ATAD3C: variants seen among roughly 807,000 people sequenced by gnomAD.
The protein encoded by ATAD3C is ATPase family AAA domain containing 3C, also known as ATPase family AAA domain-containing protein 3C.
A neutral mutation model predicts 46.3 loss-of-function variants in ATAD3C; 38 were observed. The observed-to-expected ratio is 0.82, with a 90% CI of 0.63 to 1.08. ATAD3C has a LOEUF of 1.08. ATAD3C is among the 50% of genes least tolerant of loss of function. ATAD3C has a pLI of 0.00. For synonymous variants in ATAD3C, 220 were observed against 236.4 expected (o/e 0.93, Z 0.63); for missense variants, 563 against 572.7 (o/e 0.98, Z 0.17).
intron 11 of ATAD3C, among the ~76,000 whole-genome samples, chr1:1,466,556 A>AAAC (rs1639146082): frequency 6.6e-6 from 1 of 151,174 alleles, no homozygotes; most frequent in Admixed American, 6.6e-5. Context: ...AAAAAAAAAA[A>AAAC]ATTGTATTTG....
chr1:1,468,421 A>C lies in ATAD3C; in HGVS notation c.1127A>C (p.Glu376Ala), dbSNP rs184894512. Residue 376 changes from glutamate (E) to alanine (A), a missense_variant, in exon 12 of 12, where the codon GAG (glutamate) becomes GCG (alanine). This residue lies in a region of ATAD3C where 273 missense variants were observed against 253.5 expected (regional missense o/e 1.08). Coordinates refer to ENST00000378785, the MANE Select transcript of ATAD3C (RefSeq NM_001039211.3). ...AYASKDGVLTEAMMDACVQDF... is the reference protein window; with the variant it reads ...AYASKDGVLTAAMMDACVQDF... ...GCCTCCAAGGACGGGGTCCTGACCG[A>C]GGCCATGATGGACGCCTGCGTGCAA... 1.4e-5 allele frequency: 23 copies of C among 1,613,004 alleles called. 1 individual carries two copies. The African/African-American group carries it at 1.9e-4, about 13-fold the overall frequency.
chr1:1,451,938 C>T (rs961133150), intron 1 of ATAD3C, 108 bp from the exon 2 acceptor site: 55 of 1,499,350 alleles, frequency 3.7e-5, no homozygotes, highest in African/African-American at 2.0e-4. Context: ...CCCAGGTGCC[C>T]GGGACGCTTG....
At chr1:1,466,033 G>A (rs563033304) in intron 11 of ATAD3C, among the ~76,000 whole-genome samples, 3 of 151,764 alleles carry the variant, frequency 2.0e-5, no homozygotes, top group South Asian at 2.1e-4. Flanking sequence ...ACCTGAGGTC[G>A]GCAGTTCGAG....
chr1:1,460,056 C>G lies in ATAD3C; in HGVS notation c.813-694C>G, dbSNP rs1570153281. ...CGGGCCCCCGAGGTCCTGCTCCTGG[C>G]TCGCGTGGCAGTATTTTTTTTTTTT... On this transcript the variant is annotated intron_variant, in intron 9 of 11. Transcript: ENST00000378785. Among the ~76,000 whole-genome samples, 12 of 150,814 alleles carry G rather than the reference C, an allele frequency of 8.0e-5. No homozygotes were observed. In the South Asian group the frequency reaches 2.5e-3, roughly 32 times the overall value.
In ATAD3C at chr1:1,462,856, C is replaced by G; in HGVS notation, c.1089+148C>G. 2.1e-6 allele frequency: 2 copies of G among 943,968 alleles called. No individual in the cohort carries two copies. Among genetic ancestry groups the G allele is most frequent in the South Asian group, 1.6e-5 (1 of 61,652 alleles). 58.5% of individuals were successfully genotyped at this position (943,968 alleles called of 1,614,324 possible). A position where few individuals can be genotyped will look rare whatever the true frequency, so the allele number is the denominator to read the frequency against. ...CACAGATGTGACACGGGGCCCCTGC[C>G]CCAGTTGGGCCACTCCACGCAGCAG... On this transcript the variant is annotated intron_variant, in intron 11 of 11. Coordinates refer to ENST00000378785, the MANE Select transcript of ATAD3C (RefSeq NM_001039211.3). This position sits in a 1 kb window ranked among gnomAD's most constrained non-coding sequence, Gnocchi z 4.5.
chr1:1,460,719 C>G, intron 9 of ATAD3C, 31 bp from the exon 10 acceptor site: 3 of 1,575,698 alleles, frequency 1.9e-6, no homozygotes, highest in Non-Finnish European at 2.6e-6. Flanking sequence ...CCGGCAGCCC[C>G]AGCGTTTCCT....
chr1:1,460,118 G>A (rs1639031614), intron 9 of ATAD3C, among the ~76,000 whole-genome samples: 1 of 150,364 alleles, frequency 6.7e-6, no homozygotes, highest in Admixed American at 6.6e-5. Flanking sequence ...TTCTGCCCAG[G>A]CTGAGGTGCA....
At chr1:1,454,263 G>A in intron 3 of ATAD3C, 82 bp from the exon 4 acceptor site, 1 of 1,502,240 alleles carries the variant, frequency 6.7e-7, no homozygotes, top group Non-Finnish European at 8.9e-7. Context: ...CGGAGAGAGG[G>A]TGGGGGCAGC....
In ATAD3C at chr1:1,452,399, G is replaced by A. The variant is rs1570142559; in HGVS notation, c.187G>A (p.Ala63Thr). ...CACCTTGTTTGGGGAAGGATTCCGT[G>A]CCTTTGTGACAGACCGGGACAAAGT... is the stretch of plus-strand genomic sequence containing the variant. The part of the protein sequence containing the change: ...AGTLFGEGFR[A>T]FVTDRDKVTA... The change falls in exon 3 of 12, where the codon GCC (alanine) becomes ACC (threonine). Residue 63 changes from alanine to threonine, a missense_variant. Ala to Thr is a moderately conservative substitution (Grantham distance 58, BLOSUM62 0). Transcript: ENST00000378785. 2 of 1,613,798 alleles carry A rather than the reference G, an allele frequency of 1.2e-6. No individual in the cohort carries two copies. The highest frequency in any genetic ancestry group is 4.5e-5 in the East Asian group (2 of 44,892).
At chr1:1,452,025 T>C in intron 1 of ATAD3C, 21 bp from the exon 2 acceptor site, 1 of 1,613,084 alleles carries the variant, frequency 6.2e-7, no homozygotes, top group Non-Finnish European at 8.5e-7. Context: ...GCTTTTCTCT[T>C]TTTCTGCGGC....
chr1:1,453,679 G>A (rs1360188226), intron 3 of ATAD3C, among the ~76,000 whole-genome samples: 1 of 139,042 alleles, frequency 7.2e-6, no homozygotes, highest in East Asian at 2.2e-4. Context: ...CCCTGTTGTT[G>A]CCCAGGCTTG....
chr1:1,460,770 G>A lies in ATAD3C; in HGVS notation c.833G>A (p.Ser278Asn). 1 of 1,609,464 alleles carries A rather than the reference G, an allele frequency of 6.2e-7. No individual in the cohort carries two copies. The highest frequency in any genetic ancestry group is 1.1e-5 in the South Asian group (1 of 90,308). ...HSNKFMLILASCHPEQFDWAI... is the reference protein window; with the variant it reads ...HSNKFMLILANCHPEQFDWAI... The stretch of plus-strand genomic sequence containing the variant: ...CGCAGATTCATGCTGATCCTGGCCA[G>A]CTGCCACCCCGAGCAGTTCGACTGG... The change falls in exon 10 of 12, where the codon AGC (serine) becomes AAC (asparagine). Residue 278 changes from serine (S) to asparagine (N), a missense_variant. Coordinates refer to ENST00000378785, the MANE Select transcript of ATAD3C (RefSeq NM_001039211.3).
chr1:1,468,385 C>T lies in ATAD3C; in HGVS notation c.1091C>T (p.Ala364Val). ...CTCAGCTCCCTCTCTCCCCACTAGGCCACGGCGTATGCCTCCAAGGACGGG... is the reference window on the plus strand; with the variant it reads ...CTCAGCTCCCTCTCTCCCCACTAGGTCACGGCGTATGCCTCCAAGGACGGG... Reference protein sequence around the residue: ...KIAQLAVSWQATAYASKDGVL... With the variant: ...KIAQLAVSWQVTAYASKDGVL... Residue 364 changes from alanine to valine, a missense_variant and splice_region_variant, in exon 12 of 12, where the codon GCC (alanine) becomes GTC (valine). Around this residue, in one of 3 missense-constraint regions of ATAD3C, gnomAD observed 273 missense variants for 253.5 expected, o/e 1.08. Transcript: ENST00000378785. 1 of 1,609,102 alleles carries T rather than the reference C, an allele frequency of 6.2e-7. No homozygotes were observed. The highest frequency in any genetic ancestry group is 1.1e-5 in the South Asian group (1 of 90,564).
chr1:1,466,407 G>C (rs1390217694), intron 11 of ATAD3C, among the ~76,000 whole-genome samples: 1 of 151,506 alleles, frequency 6.6e-6, no homozygotes, highest in East Asian at 1.9e-4. Context: ...TAAAAAATTA[G>C]CTGGGTGTGG....
chr1:1,461,338 C>T (rs1408861278), intron 10 of ATAD3C, among the ~76,000 whole-genome samples: 1 of 151,422 alleles, frequency 6.6e-6, no homozygotes, highest in Non-Finnish European at 1.5e-5. Context: ...TAGGTGCCCA[C>T]GACCACGTCT....
chr1:1,453,740 A>C (rs1638903137), intron 3 of ATAD3C, among the ~76,000 whole-genome samples: 1 of 151,570 alleles, frequency 6.6e-6, no homozygotes, highest in Admixed American at 6.6e-5. Context: ...CGCGGGTTCA[A>C]GTGATTCTCC....
In ATAD3C at chr1:1,457,010, G is replaced by A. The variant is rs1039270277; in HGVS notation, c.690-119G>A. On this transcript the variant is annotated intron_variant, in intron 7 of 11. Transcript: ENST00000378785. ...CAGGTCCAGGACTTAGGGCTCCGTG[G>A]GGCAGAGCCTGACCCCGTGGGGATC... The A allele has an allele frequency of 3.6e-5, 51 of 1,398,732 alleles. 3 individuals carry two copies. Among genetic ancestry groups the A allele is most frequent in the South Asian group, 4.7e-5 (4 of 85,594 alleles). 86.6% of individuals were successfully genotyped at this position (1,398,732 alleles called of 1,614,324 possible).
At chr1:1,467,327 G>A (rs1639160739) in intron 11 of ATAD3C, among the ~76,000 whole-genome samples, 1 of 152,040 alleles carries the variant, frequency 6.6e-6, no homozygotes, top group African/African-American at 2.4e-5. Context: ...GTGGGCTCAA[G>A]ACCAAAAATG....
At chr1:1,465,961 C>T (rs1411723969) in intron 11 of ATAD3C, among the ~76,000 whole-genome samples, 5 of 151,824 alleles carry the variant, frequency 3.3e-5, no homozygotes, top group Admixed American at 3.3e-4. Context: ...GTGTTTAGGG[C>T]GTGTCCTTCA....
Sources: gnomAD v4.1 joint callset for allele counts (sites outside exome capture counted in the v4.1 genomes callset) on GRCh38, gnomAD v4.1.1 for gene constraint, gnomAD v4.1.1 regional missense constraint, Gnocchi (gnomAD v3.1) non-coding constraint, MANE v1.5 for transcripts, NCBI Gene and HGNC (gene_info 2026-07-23, HGNC 2026-07-21) for gene names.